The following BTBD9 variants were observed in gnomAD, a reference collection of about 807,000 sequenced individuals.
The protein encoded by BTBD9 is BTB domain containing 9, also known as BTB/POZ domain-containing protein 9.
In BTBD9, 49 loss-of-function variants were observed where a neutral mutation model predicts 64.3. The observed-to-expected ratio is 0.76, with a 90% CI of 0.61 to 0.97. BTBD9 has a LOEUF of 0.97. BTBD9 is among the 50% of genes least tolerant of loss of function. BTBD9 has a pLI of 0.00. For synonymous variants in BTBD9, 260 were observed against 274.7 expected (o/e 0.95, Z 0.53); for missense variants, 598 against 762.1 (o/e 0.78, Z 2.53).
rs1766908537 is a variant in BTBD9 at position 38,174,324 on chromosome 6, G to GGA, written c.*659_*660dup. On this transcript the variant is annotated 3_prime_UTR_variant, in exon 11 of 11. Transcript: ENST00000481247. ...CACTTCCTCTGTGGCCCAAGTGCCAGGATGAGCTGCATCCGTGTCTCATTT... is the reference window on the plus strand; with the variant it reads ...CACTTCCTCTGTGGCCCAAGTGCCAGGAGATGAGCTGCATCCGTGTCTCATTT... 1 of 152,288 alleles carries GGA rather than the reference G, an allele frequency of 6.6e-6. No individual in the cohort carries two copies. The highest frequency in any genetic ancestry group is 1.5e-5 in the Non-Finnish European group (1 of 68,086). 9.4% of individuals were successfully genotyped at this position (152,288 alleles called of 1,614,324 possible). A position where few individuals can be genotyped will look rare whatever the true frequency, so the allele number is the denominator to read the frequency against.
chr6:38,240,250 T>A (rs1422714659), intron 9 of BTBD9, among the ~76,000 whole-genome samples: 1 of 152,338 alleles, frequency 6.6e-6, no homozygotes, highest in East Asian at 1.9e-4. Flanking sequence ...CAGAGAAGAT[T>A]TGGTCTAACT....
chr6:38,419,945 C>T (rs953508986), intron 6 of BTBD9, among the ~76,000 whole-genome samples: 5 of 152,056 alleles, frequency 3.3e-5, no homozygotes, highest in African/African-American at 1.2e-4. Context: ...TTCCTTTCAA[C>T]AAACTAAATG....
intron 1 of BTBD9, among the ~76,000 whole-genome samples, chr6:38,624,935 T>A (rs1295577720): frequency 6.6e-6 from 1 of 152,214 alleles, no homozygotes; most frequent in Non-Finnish European, 1.5e-5. Flanking sequence ...TTGTATCATG[T>A]TGTAAGGCAG....
chr6:38,226,582 A>T (rs1763398260), intron 9 of BTBD9, among the ~76,000 whole-genome samples: 1 of 152,190 alleles, frequency 6.6e-6, no homozygotes, highest in Non-Finnish European at 1.5e-5. Context: ...AAAACAACAC[A>T]CACAACTGAA....
At chr6:38,202,076 G>GTTTT (rs1263045337) in intron 9 of BTBD9, among the ~76,000 whole-genome samples, 5 of 135,120 alleles carry the variant, frequency 3.7e-5, no homozygotes, top group Admixed American at 1.6e-4. Flanking sequence ...CAAAAATGTC[G>GTTTT]TTTTTTTTGT....
chr6:38,496,980 A>G (rs922486785), intron 6 of BTBD9, among the ~76,000 whole-genome samples: 3 of 152,238 alleles, frequency 2.0e-5, no homozygotes, highest in African/African-American at 7.2e-5. Flanking sequence ...CCTGAAGGTG[A>G]AAACTTTCAA....
At chr6:38,372,157 T>C (rs2127605778) in intron 6 of BTBD9, among the ~76,000 whole-genome samples, 1 of 152,294 alleles carries the variant, frequency 6.6e-6, no homozygotes, top group South Asian at 2.1e-4. Flanking sequence ...ACCAATGTCT[T>C]TGGGCCTTGA....
At chr6:38,256,586 A>G in intron 8 of BTBD9, 70 bp from the exon 9 acceptor site, 1 of 1,083,656 alleles carries the variant, frequency 9.2e-7, no homozygotes, top group South Asian at 1.3e-5. Context: ...TTGTGGGCAT[A>G]TCCCTCCCAC....
At position 38,577,614 on chromosome 6, in the gene BTBD9, T is replaced by G. The variant is rs751326798; in HGVS notation, c.1140A>C (p.Pro380=). ...TGAAAACTAACCTGCAGACACGGGC[T>G]GGAAAATATAATTTCTGCCAAGAAC... ...LCRSWQKLYF[P]ARVCRYIRIV... Residue 380 remains proline (P), a synonymous_variant, in exon 6 of 11, where the codon CCA becomes CCC. Coordinates refer to ENST00000481247, the MANE Select transcript of BTBD9 (RefSeq NM_001099272.2). The G allele has an allele frequency of 6.2e-7, 1 of 1,608,602 alleles. No individual in the cohort carries two copies. Among genetic ancestry groups the G allele is most frequent in the South Asian group, 1.1e-5 (1 of 90,726 alleles).
intron 6 of BTBD9, among the ~76,000 whole-genome samples, chr6:38,555,554 T>C (rs1774977867): frequency 2.0e-5 from 3 of 152,244 alleles, no homozygotes; most frequent in Admixed American, 1.3e-4. Flanking sequence ...GTAGCAGTAG[T>C]AGTGATAAAC....
intron 8 of BTBD9, among the ~76,000 whole-genome samples, chr6:38,266,815 A>C (rs955602490): frequency 2.0e-5 from 3 of 152,244 alleles, no homozygotes; most frequent in African/African-American, 7.2e-5. Context: ...TTCCTTAAGC[A>C]AAATGTTGGC....
intron 6 of BTBD9, chr6:38,504,578 G>C (rs1562271900): frequency 2.2e-6 from 1 of 456,538 alleles, no homozygotes; most frequent in Non-Finnish European, 4.4e-6. Flanking sequence ...GGTGAAATGT[G>C]GATTTTTTTA....
At chr6:38,476,174 C>A (rs577449358) in intron 6 of BTBD9, among the ~76,000 whole-genome samples, 1 of 152,306 alleles carries the variant, frequency 6.6e-6, no homozygotes, top group South Asian at 2.1e-4. Context: ...AACGGTTAGA[C>A]ACTTTAAAAA....
At chr6:38,319,124 T>C (rs1763136987) in intron 7 of BTBD9, among the ~76,000 whole-genome samples, 1 of 152,006 alleles carries the variant, frequency 6.6e-6, no homozygotes, top group Admixed American at 6.6e-5. Flanking sequence ...TTGTGGTGTA[T>C]GCTGCCAGGC....
intron 6 of BTBD9, among the ~76,000 whole-genome samples, chr6:38,465,707 T>TTATATATA (rs1157324453): frequency 2.2e-3 from 103 of 46,684 alleles, no homozygotes; most frequent in Non-Finnish European, 3.3e-3. Context: ...AATAAATAAA[T>TTATATATA]TATATATATA....
chr6:38,344,075 T>C (rs1326633620), intron 7 of BTBD9, among the ~76,000 whole-genome samples: 2 of 152,320 alleles, frequency 1.3e-5, no homozygotes, highest in East Asian at 3.9e-4. Context: ...CAGGGACATC[T>C]TATCCCCACA....
intron 6 of BTBD9, among the ~76,000 whole-genome samples, chr6:38,530,143 C>T (rs931717483): frequency 9.9e-5 from 15 of 152,092 alleles, no homozygotes; most frequent in African/African-American, 2.4e-4. Context: ...TCCTGCAGTA[C>T]GCTGGGCTTA....
chr6:38,549,315 A>G (rs1368655411), intron 6 of BTBD9, among the ~76,000 whole-genome samples: 1 of 152,218 alleles, frequency 6.6e-6, no homozygotes, highest in East Asian at 1.9e-4. Context: ...TAAAACACTC[A>G]ACACTGTGCT....
chr6:38,552,596 G>A (rs1260255213), intron 6 of BTBD9, among the ~76,000 whole-genome samples: 4 of 151,926 alleles, frequency 2.6e-5, no homozygotes, highest in East Asian at 3.9e-4. Flanking sequence ...GTGAAACCTC[G>A]TCTCTACCAA....
Sources: allele counts gnomAD v4.1 joint callset (sites outside exome capture counted in the v4.1 genomes callset), GRCh38; gene constraint gnomAD v4.1.1; transcripts MANE v1.5; gene names NCBI Gene and HGNC (gene_info 2026-07-23, HGNC 2026-07-21).